STK3: variants seen among roughly 807,000 people sequenced by gnomAD.
The protein encoded by STK3 is serine/threonine-protein kinase 3.
A neutral mutation model predicts 58.0 loss-of-function variants in STK3; 41 were observed. The ratio of observed to expected loss-of-function variants is 0.71; its 90% CI spans 0.55 to 0.92. The LOEUF is 0.92. Among genes scored for constraint, STK3 ranks in the 40% least tolerant of loss-of-function variants. STK3 has a pLI of 0.00. For missense variants in STK3, 479 were observed against 602.7 expected (o/e 0.79, Z 2.15); for synonymous variants, 170 against 191.0 (o/e 0.89, Z 0.91).
intron 10 of STK3, among the ~76,000 whole-genome samples, chr8:98,518,218 G>A (rs1342450356): frequency 6.6e-6 from 1 of 151,974 alleles, no homozygotes; most frequent in Non-Finnish European, 1.5e-5. Flanking sequence ...GTACAGGCCT[G>A]CTCACTTAAA....
chr8:98,819,995 A>G (rs1834781721), intron 1 of STK3, among the ~76,000 whole-genome samples: 1 of 152,100 alleles, frequency 6.6e-6, no homozygotes, highest in South Asian at 2.1e-4. Flanking sequence ...TACAGATGCT[A>G]CAAGTTGATG....
chr8:98,564,008 G>T (rs539101298), intron 8 of STK3, among the ~76,000 whole-genome samples: 82 of 152,220 alleles, frequency 5.4e-4, no homozygotes, highest in Non-Finnish European at 9.9e-4. Flanking sequence ...TGAAAAGAAA[G>T]AAAGAATAAT....
intron 1 of STK3, among the ~76,000 whole-genome samples, chr8:98,812,158 T>G (rs1834271220): frequency 6.6e-6 from 1 of 152,208 alleles, no homozygotes; most frequent in Non-Finnish European, 1.5e-5. Flanking sequence ...AGCTCAACAT[T>G]TTATAAATAT....
chr8:98,457,983 C>T (rs1321803946), intron 10 of STK3, among the ~76,000 whole-genome samples: 1 of 152,112 alleles, frequency 6.6e-6, no homozygotes, highest in Non-Finnish European at 1.5e-5. Context: ...AAAAACAGGT[C>T]TGTGATATTA....
intron 4 of STK3, among the ~76,000 whole-genome samples, chr8:98,731,977 T>C (rs996995223): frequency 1.3e-5 from 2 of 152,168 alleles, no homozygotes; most frequent in African/African-American, 4.8e-5. Flanking sequence ...AAACGTATTA[T>C]TCTTAAAGCA....
chr8:98,779,258 G>A (rs1361384822), intron 1 of STK3, among the ~76,000 whole-genome samples: 1 of 152,100 alleles, frequency 6.6e-6, no homozygotes, highest in African/African-American at 2.4e-5. Context: ...GCTGATAGAG[G>A]TATTCTGGTA....
chr8:98,697,232 T>C (rs1388061789), intron 6 of STK3, among the ~76,000 whole-genome samples: 2 of 152,362 alleles, frequency 1.3e-5, no homozygotes, highest in Non-Finnish European at 2.9e-5. Flanking sequence ...ATTGTGTCTA[T>C]TTGATTCTTC....
chr8:98,689,772 G>A (rs1295800575), intron 6 of STK3, among the ~76,000 whole-genome samples: 1 of 151,992 alleles, frequency 6.6e-6, no homozygotes, highest in Non-Finnish European at 1.5e-5. Context: ...GACAAAGTAA[G>A]CCTGTCTCAA....
chr8:98,484,401 T>C (rs1822084470), intron 10 of STK3, among the ~76,000 whole-genome samples: 1 of 152,110 alleles, frequency 6.6e-6, no homozygotes, highest in Admixed American at 6.5e-5. Flanking sequence ...ACAATACCAA[T>C]ATAAAAATGT....
At chr8:98,414,301 T>C (rs903128335) in intron 3 of STK3, among the ~76,000 whole-genome samples, 1 of 152,040 alleles carries the variant, frequency 6.6e-6, no homozygotes, top group Non-Finnish European at 1.5e-5. Context: ...AAAATAGTAA[T>C]TTCGACACCA....
intron 1 of STK3, among the ~76,000 whole-genome samples, chr8:98,786,421 A>G (rs1031076908): frequency 6.6e-6 from 1 of 152,096 alleles, no homozygotes; most frequent in Non-Finnish European, 1.5e-5. Flanking sequence ...GATGGTTTGC[A>G]CCTATCGTTC....
chr8:98,914,993 G>A (rs749963952), intron 1 of STK3, among the ~76,000 whole-genome samples: 5 of 152,206 alleles, frequency 3.3e-5, no homozygotes, highest in Non-Finnish European at 7.3e-5. Flanking sequence ...AGATCCTTAA[G>A]CACTGTCTCT....
chr8:98,379,099 T>TA (rs5893463), intron 2 of STK3: 131,828 of 151,994 alleles, frequency 0.87, 57,673 homozygotes, highest in Middle Eastern at 0.93. Context: ...CTAGCTCAGA[T>TA]GGGGGTTAGG....
chr8:98,358,456 G>T, the STK3 span, among the ~76,000 whole-genome samples: 1 of 152,322 alleles, frequency 6.6e-6, no homozygotes, highest in Admixed American at 6.5e-5. Context: ...AGCCACGGAG[G>T]ATTCTGAGAT....
At chr8:98,668,909 T>C (rs1822567748) in intron 6 of STK3, among the ~76,000 whole-genome samples, 1 of 151,862 alleles carries the variant, frequency 6.6e-6, no homozygotes, top group African/African-American at 2.4e-5. Flanking sequence ...GTTTTCTGTA[T>C]AATTCCAATT....
intron 3 of STK3, among the ~76,000 whole-genome samples, chr8:98,750,781 C>T (rs920125547): frequency 3.0e-4 from 46 of 152,220 alleles, no homozygotes; most frequent in Admixed American, 2.9e-3. Context: ...ATACCAAAAC[C>T]TGGCAGAGAT....
At chr8:98,707,354 T>A in intron 4 of STK3, 43 bp from the exon 5 acceptor site, 1 of 1,391,408 alleles carries the variant, frequency 7.2e-7, no homozygotes. Flanking sequence ...AATGCCACGT[T>A]AGATAAAATC....
intron 4 of STK3, 102 bp from the exon 5 acceptor site, chr8:98,707,413 TG>T: frequency 8.5e-5 from 78 of 916,648 alleles, no homozygotes; most frequent in East Asian, 2.2e-4. Context: ...TGTGTGTGTG[TG>T]TTTTTTTTTA....
chr8:98,509,438 G>A (rs1824335803), intron 10 of STK3, among the ~76,000 whole-genome samples: 1 of 151,748 alleles, frequency 6.6e-6, no homozygotes, highest in Admixed American at 6.6e-5. Context: ...AAAAATACAA[G>A]TTTTACTTAG....
Sources: gnomAD v4.1 joint callset for allele counts (sites outside exome capture counted in the v4.1 genomes callset) on GRCh38, gnomAD v4.1.1 for gene constraint, MANE v1.5 for transcripts, NCBI Gene and HGNC (gene_info 2026-07-23, HGNC 2026-07-21) for gene names.